Variants in EXOC4 observed in about 807,000 individuals in gnomAD.
EXOC4 encodes exocyst complex component 4.
A neutral mutation model predicts 107.2 loss-of-function variants in EXOC4; 71 were observed. The ratio of observed to expected loss-of-function variants is 0.66; its 90% CI spans 0.55 to 0.81. The LOEUF is 0.81. EXOC4 is among the 30% of genes least tolerant of loss of function. The pLI is 0.00. For synonymous variants in EXOC4, 456 were observed against 441.2 expected, an observed-to-expected ratio of 1.03 and a Z score of -0.42; for missense variants, 1,108 against 1,189.6, an observed-to-expected ratio of 0.93 and a Z score of 1.01.
intron 9 of EXOC4, among the ~76,000 whole-genome samples, chr7:133,495,314 C>T (rs1261040810): frequency 6.6e-6 from 1 of 151,022 alleles, no homozygotes; most frequent in East Asian, 1.9e-4. Context: ...TGAATCTTTT[C>T]TGTTCTTTCT....
chr7:133,672,641 A>G (rs1217413702), intron 10 of EXOC4, among the ~76,000 whole-genome samples: 2 of 152,122 alleles, frequency 1.3e-5, no homozygotes, highest in Non-Finnish European at 1.5e-5. Flanking sequence ...TCCAGTGTAG[A>G]GGTTAGGAAA....
At chr7:133,857,277 G>A (rs1034625058) in intron 11 of EXOC4, among the ~76,000 whole-genome samples, 9 of 5,850 alleles carry the variant, frequency 1.5e-3, no homozygotes, top group East Asian at 4.1e-3. Context: ...ATATATACAC[G>A]TATATATATA....
At chr7:133,333,487 T>G (rs899526225) in intron 5 of EXOC4, among the ~76,000 whole-genome samples, 1 of 152,166 alleles carries the variant, frequency 6.6e-6, no homozygotes. Context: ...GTATTCTAGT[T>G]GAACACATTG....
rs192396540 is a variant in EXOC4, at chr7:133,724,624, T to C, written c.1515-92701T>C. ...TCATATCTATTATTTTATTAATGAATCATAAGATACAGATAATAGATCATT... is the reference window on the plus strand; with the variant it reads ...TCATATCTATTATTTTATTAATGAACCATAAGATACAGATAATAGATCATT... On this transcript the variant is annotated intron_variant, in intron 10 of 17. Transcript: ENST00000253861. 2.2e-4 allele frequency among the ~76,000 whole-genome samples: 33 copies of C among 152,302 alleles called. 1 individual carries two copies. The highest frequency in any genetic ancestry group is 1.9e-3 in the Admixed American group (29 of 15,294).
At chr7:134,003,165 A>G (rs1261763740) in intron 15 of EXOC4, among the ~76,000 whole-genome samples, 2 of 152,212 alleles carry the variant, frequency 1.3e-5, no homozygotes, top group African/African-American at 2.4e-5. Flanking sequence ...GTGAATATCA[A>G]ATGCTTTGTG....
At chr7:133,858,917 A>T (rs1798475575) in intron 11 of EXOC4, among the ~76,000 whole-genome samples, 1 of 152,122 alleles carries the variant, frequency 6.6e-6, no homozygotes, top group Non-Finnish European at 1.5e-5. Context: ...TTCAAATTCC[A>T]GGCGCCTGTT....
intron 9 of EXOC4, among the ~76,000 whole-genome samples, chr7:133,504,275 G>A (rs1043710235): frequency 2.6e-5 from 4 of 151,990 alleles, no homozygotes; most frequent in African/African-American, 9.7e-5. Flanking sequence ...ATCAAGAGAG[G>A]CATAGTAATT....
At chr7:134,079,457 G>C in the EXOC4 span, among the ~76,000 whole-genome samples, 113 of 151,924 alleles carry the variant, frequency 7.4e-4, 1 homozygote, top group Non-Finnish European at 1.8e-4. Context: ...AGTCTTACCA[G>C]CCCACCACAT....
intron 17 of EXOC4, among the ~76,000 whole-genome samples, chr7:134,017,027 A>G (rs1431200591): frequency 6.6e-6 from 1 of 152,230 alleles, no homozygotes; most frequent in Non-Finnish European, 1.5e-5. Flanking sequence ...ATAAAAATTT[A>G]TCTGACTGCT....
At chr7:134,028,680 G>C (rs1288740809) in intron 17 of EXOC4, among the ~76,000 whole-genome samples, 1 of 152,158 alleles carries the variant, frequency 6.6e-6, no homozygotes, top group African/African-American at 2.4e-5. Context: ...CTAGTCTTCT[G>C]CCTCCAATGA....
chr7:133,865,975 A>C (rs560495729), intron 11 of EXOC4, among the ~76,000 whole-genome samples: 15 of 152,292 alleles, frequency 9.8e-5, no homozygotes, highest in African/African-American at 3.6e-4. Context: ...AATAAAGATT[A>C]TAGTCATTTA....
At chr7:133,444,039 T>C (rs557167055) in intron 7 of EXOC4, among the ~76,000 whole-genome samples, 7 of 152,322 alleles carry the variant, frequency 4.6e-5, no homozygotes, top group African/African-American at 1.4e-4. Context: ...TGTGTACTGA[T>C]ATCCTGGCCC....
intron 11 of EXOC4, among the ~76,000 whole-genome samples, chr7:133,838,834 A>G (rs1797969554): frequency 1.3e-5 from 2 of 152,230 alleles, no homozygotes; most frequent in South Asian, 4.1e-4. Flanking sequence ...TAATATGTAA[A>G]TGAATGAGCA....
intron 1 of EXOC4, among the ~76,000 whole-genome samples, chr7:133,257,970 A>C (rs986597340): frequency 1.3e-5 from 2 of 152,144 alleles, no homozygotes; most frequent in Admixed American, 1.3e-4. Context: ...GCAGGAAAGG[A>C]AAGTAGTCAC....
chr7:133,595,932 C>T (rs1801658829), intron 9 of EXOC4, among the ~76,000 whole-genome samples: 1 of 152,188 alleles, frequency 6.6e-6, no homozygotes, highest in Non-Finnish European at 1.5e-5. Flanking sequence ...AGCCAAATAC[C>T]AGATTCTGGC....
At chr7:133,549,562 T>C (rs113117050) in intron 9 of EXOC4, among the ~76,000 whole-genome samples, 208 of 152,128 alleles carry the variant, frequency 1.4e-3, no homozygotes, top group African/African-American at 4.9e-3. Context: ...CCAGGATAGA[T>C]ATAATAATAA....
At chr7:133,990,300 C>G (rs922844685) in intron 14 of EXOC4, among the ~76,000 whole-genome samples, 2 of 129,114 alleles carry the variant, frequency 1.5e-5, no homozygotes, top group African/African-American at 5.7e-5. Flanking sequence ...TTCTCAGCCT[C>G]TAGTAATCAC....
chr7:133,577,017 T>A, intron 9 of EXOC4: 1 of 437,912 alleles, frequency 2.3e-6, no homozygotes, highest in Non-Finnish European at 4.0e-6. Context: ...TATTATTAAG[T>A]AGAAGAAGAT....
At chr7:133,452,333 A>G (rs952847972) in intron 7 of EXOC4, among the ~76,000 whole-genome samples, 5 of 152,132 alleles carry the variant, frequency 3.3e-5, no homozygotes, top group African/African-American at 4.8e-5. Flanking sequence ...CACATCTATC[A>G]TAAGATAACT....
Sources: gnomAD v4.1 joint callset for allele counts (sites outside exome capture counted in the v4.1 genomes callset) on GRCh38, gnomAD v4.1.1 for gene constraint, MANE v1.5 for transcripts, NCBI Gene and HGNC (gene_info 2026-07-23, HGNC 2026-07-21) for gene names.